CCNL1: variants seen among roughly 807,000 people sequenced by gnomAD.
CCNL1 encodes the protein cyclin L1.
In CCNL1, 13 loss-of-function variants were observed where a neutral mutation model predicts 60.6. The ratio of observed to expected loss-of-function variants is 0.21; its 90% confidence interval spans 0.14 to 0.34. The LOEUF (loss-of-function observed/expected upper bound fraction) is 0.34, where lower values mean the gene tolerates loss of function less well. Ranked by LOEUF, CCNL1 falls within the 10% of genes least tolerant of loss-of-function variation. The probability of loss-of-function intolerance (pLI) is 1.00; values close to 1 mark genes in which losing one functional copy is unlikely to be tolerated. For synonymous variants in CCNL1, 270 were observed against 244.3 expected (o/e 1.10, Z -0.98); for missense variants, 481 against 664.3 (o/e 0.72, Z 3.03).
At chr3:157,157,135 A>C in intron 3 of CCNL1, 1 of 1,285,032 alleles carries the variant, frequency 7.8e-7, no homozygotes, top group South Asian at 1.2e-5. Context: ...AACATATACA[A>C]GTTACGTGCT....
intron 1 of CCNL1, 45 bp from the exon 2 acceptor site, chr3:157,159,524 C>G: frequency 6.5e-7 from 1 of 1,548,234 alleles, no homozygotes; most frequent in Non-Finnish European, 8.9e-7. Context: ...TCAGGCGGGC[C>G]CGCTCCAGGC....
downstream of CCNL1, among the ~76,000 whole-genome samples, chr3:157,143,150 C>A (rs530822323): frequency 1.3e-5 from 2 of 152,214 alleles, no homozygotes; most frequent in Non-Finnish European, 2.9e-5. Context: ...TTTTTAAGAG[C>A]AGCTAGAAGT....
chr3:157,152,597 T>C, intron 4 of CCNL1: 2 of 1,076,266 alleles, frequency 1.9e-6, no homozygotes, highest in South Asian at 2.9e-5. Flanking sequence ...ATGGCTTATA[T>C]TGATAATGAA....
chr3:157,151,616 T>A (rs1374074610), intron 5 of CCNL1: 2 of 987,520 alleles, frequency 2.0e-6, no homozygotes, highest in Non-Finnish European at 2.4e-6. Flanking sequence ...TTAGTCAAAC[T>A]CCTAATAAAC....
intron 3 of CCNL1, 151 bp downstream of exon 3, chr3:157,158,715 A>G (rs1230363493): frequency 5.6e-6 from 3 of 534,580 alleles, no homozygotes; most frequent in Non-Finnish European, 9.9e-6. Context: ...TATTTTAAGT[A>G]TCAGTGTTCC....
Position 157,149,583 on chromosome 3 carries a change from T to C in CCNL1, c.1035A>G (p.Glu345=), listed in dbSNP as rs1246816627. The change falls in exon 9 of 11, where the codon GAA becomes GAG. Residue 345 remains glutamate, a synonymous_variant. Coordinates refer to ENST00000295926, the MANE Select transcript of CCNL1 (RefSeq NM_020307.4). ...SPASKPSSPR[E]VKAEEKSPIS... ...TTGGTGATTTCTCTTCAGCTTTTAC[T>C]TCTCTTGGTGATGCTTTTAAAAGAT... 1.9e-6 allele frequency: 3 copies of C among 1,613,270 alleles called. No individual in the cohort carries two copies. In the South Asian group the frequency reaches 3.3e-5, roughly 18 times the overall value.
At chr3:157,146,000 CT>C (rs895318178), downstream of CCNL1, among the ~76,000 whole-genome samples, 1 of 152,180 alleles carries the variant, frequency 6.6e-6, no homozygotes, top group Admixed American at 6.5e-5. Context: ...TATGGCATTA[CT>C]TTTAACTCTT....
chr3:157,154,844 T>C (rs1316245615), intron 3 of CCNL1, among the ~76,000 whole-genome samples: 2 of 152,086 alleles, frequency 1.3e-5, no homozygotes, highest in African/African-American at 4.8e-5. Flanking sequence ...GATGAATCCA[T>C]TTTATCAGGA....
intron 10 of CCNL1, 84 bp from the exon 11 acceptor site, chr3:157,148,673 C>T: frequency 1.7e-6 from 2 of 1,186,486 alleles, no homozygotes; most frequent in East Asian, 2.4e-5. Context: ...AGGTTCAAAA[C>T]AAAACTACCA....
At chr3:157,150,973 A>G in intron 5 of CCNL1, 7 of 985,276 alleles carry the variant, frequency 7.1e-6, no homozygotes, top group Non-Finnish European at 8.4e-6. Context: ...GACTAGGTAA[A>G]AGAGATAAAC....
intron 5 of CCNL1, 189 bp downstream of exon 5, chr3:157,151,988 A>G (rs1738233731): frequency 7.1e-7 from 1 of 1,403,570 alleles, no homozygotes; most frequent in African/African-American, 1.5e-5. Context: ...ATTAAAAGTA[A>G]TTAGTCAAGC....
At chr3:157,158,635 G>A (rs1442015846) in intron 3 of CCNL1, 4 of 393,464 alleles carry the variant, frequency 1.0e-5, no homozygotes, top group African/African-American at 8.4e-5. Context: ...AGCACTGTTA[G>A]GATTGTCCAT....
At chr3:157,145,437 CAAAAAAAAAA>C (rs56894231), downstream of CCNL1, among the ~76,000 whole-genome samples, 55 of 24,272 alleles carry the variant, frequency 2.3e-3, 2 homozygotes, top group East Asian at 0.035. Flanking sequence ...GACTTCATCT[CAAAAAAAAAA>C]AAAAAAAAAA....
rs781270124 is a variant in CCNL1, at chr3:157,148,503, T to A, written c.1319A>T (p.His440Leu). Residue 440 changes from histidine (H) to leucine (L), a missense_variant, in exon 11 of 11, where the codon CAT (histidine) becomes CTT (leucine). By Grantham distance (99) the His-to-Leu change is moderately conservative. Around this residue, in one of 5 missense-constraint regions of CCNL1, gnomAD observed 197 missense variants for 233.9 expected, o/e 0.84. Transcript: ENST00000295926. ...SRSHSESPRRHHNHGSPHLKA... is the reference protein window; with the variant it reads ...SRSHSESPRRLHNHGSPHLKA... The stretch of plus-strand genomic sequence containing the variant: ...AAGGTGAGGAGAACCATGATTATGA[T>A]GTCTTCGAGGGCTTTCACTGTGACT... The A allele has an allele frequency of 6.2e-7, 1 of 1,614,234 alleles. No homozygotes were observed. The highest frequency in any genetic ancestry group is 8.5e-7 in the Non-Finnish European group (1 of 1,180,046).
intron 10 of CCNL1, chr3:157,148,949 ATTATTGG>A: frequency 3.0e-6 from 1 of 329,416 alleles, no homozygotes; most frequent in Non-Finnish European, 5.5e-6. Flanking sequence ...GGTTAATTTG[ATTATTGG>A]TTATTAATAA....
chr3:157,159,556 C>G (rs770094896), intron 1 of CCNL1, 77 bp from the exon 2 acceptor site: 2 of 1,374,214 alleles, frequency 1.5e-6, no homozygotes, highest in Non-Finnish European at 2.0e-6. Context: ...TTTGTGCCGC[C>G]GATCGCTTCC....
chr3:157,152,901 T>A, intron 4 of CCNL1, 135 bp downstream of exon 4: 1 of 1,438,834 alleles, frequency 7.0e-7, no homozygotes, highest in Admixed American at 2.9e-5. Flanking sequence ...TGTTTTTCGA[T>A]GAAGCCTGAA....
chr3:157,158,856 C>A lies in CCNL1; in HGVS notation c.488+10G>T, dbSNP rs1738831302. On this transcript the variant is annotated intron_variant, in intron 3 of 10. Coordinates refer to ENST00000295926, the MANE Select transcript of CCNL1 (RefSeq NM_020307.4). Reference sequence around the variant, plus strand: ...GCAAGAGATACTATGTTCAATAATGCCAATCTTACCTTTTTCCTCTTAACT... The same window carrying A: ...GCAAGAGATACTATGTTCAATAATGACAATCTTACCTTTTTCCTCTTAACT... 6.5e-7 allele frequency: 1 copy of A among 1,546,198 alleles called. No individual in the cohort carries two copies. The highest frequency in any genetic ancestry group is 1.4e-5 in the African/African-American group (1 of 73,466).
At chr3:157,149,749 C>T in intron 8 of CCNL1, 87 bp downstream of exon 8, 1 of 1,522,042 alleles carries the variant, frequency 6.6e-7, no homozygotes, top group South Asian at 1.2e-5. Context: ...CATCATTTTT[C>T]TCTATGCAAC....
Sources: allele counts gnomAD v4.1 joint callset (sites outside exome capture counted in the v4.1 genomes callset), GRCh38; gene constraint gnomAD v4.1.1; regional missense constraint gnomAD v4.1.1; transcripts MANE v1.5; gene names NCBI Gene and HGNC (gene_info 2026-07-23, HGNC 2026-07-21).